The following COPS4 variants were observed in gnomAD, a reference collection of about 807,000 sequenced individuals.
COPS4 encodes COP9 signalosome complex subunit 4.
Under a neutral mutation model 55.1 loss-of-function variants are expected in COPS4, and 8 were observed. The ratio of observed to expected loss-of-function variants is 0.15; its 90% CI spans 0.09 to 0.26. The LOEUF is 0.26. Ranked by LOEUF, COPS4 falls within the 10% of genes least tolerant of loss-of-function variation. The pLI is 1.00. For missense variants in COPS4, 248 were observed against 484.0 expected, an observed-to-expected ratio of 0.51 and a Z score of 4.58; for synonymous variants, 185 against 165.7, an observed-to-expected ratio of 1.12 and a Z score of -0.90.
chr4:83,069,277 C>T (rs1441045551), intron 9 of COPS4, among the ~76,000 whole-genome samples: 1 of 152,156 alleles, frequency 6.6e-6, no homozygotes, highest in African/African-American at 2.4e-5. Context: ...TTTCCACTTG[C>T]AAAATTTTTA....
chr4:83,066,631 G>A, intron 8 of COPS4, 78 bp downstream of exon 8: 2 of 692,822 alleles, frequency 2.9e-6, no homozygotes, highest in South Asian at 1.9e-5. Context: ...TAAAATAAAT[G>A]TTGGAAACAA....
At chr4:83,042,517 A>AT (rs34745098) in intron 1 of COPS4, among the ~76,000 whole-genome samples, 64,120 of 145,496 alleles carry the variant, frequency 0.44, 16,009 homozygotes, top group Admixed American at 0.58. Context: ...TAATTAATTA[A>AT]TTTTTTTTTT....
At chr4:83,044,777 A>G (rs1272384366) in intron 1 of COPS4, among the ~76,000 whole-genome samples, 2 of 152,222 alleles carry the variant, frequency 1.3e-5, no homozygotes, top group African/African-American at 4.8e-5. Context: ...TCCGTCTTCA[A>G]AAACAACAAC....
At chr4:83,041,143 A>G (rs1730558495) in intron 1 of COPS4, among the ~76,000 whole-genome samples, 2 of 150,704 alleles carry the variant, frequency 1.3e-5, no homozygotes, top group African/African-American at 2.4e-5. Flanking sequence ...GCTTACTGCA[A>G]TCTCCACCTC....
At chr4:83,063,980 G>A (rs1455090416) in intron 7 of COPS4, among the ~76,000 whole-genome samples, 6 of 152,244 alleles carry the variant, frequency 3.9e-5, no homozygotes, top group East Asian at 1.9e-4. Context: ...GATTACAGGC[G>A]TGAGCCACAG....
At chr4:83,035,729 G>T in intron 1 of COPS4, 1 of 164,382 alleles carries the variant, frequency 6.1e-6, no homozygotes, top group Non-Finnish European at 1.3e-5. Flanking sequence ...CCTTGATGCT[G>T]CGTTTTTCGG....
intron 6 of COPS4, among the ~76,000 whole-genome samples, chr4:83,059,917 G>A (rs1052219809): frequency 6.6e-6 from 1 of 151,982 alleles, no homozygotes; most frequent in Admixed American, 6.6e-5. Flanking sequence ...TAGCCAGGAT[G>A]GTCTCGATCT....
At chr4:83,044,182 C>T (rs778313032) in intron 1 of COPS4, among the ~76,000 whole-genome samples, 26 of 152,158 alleles carry the variant, frequency 1.7e-4, no homozygotes, top group East Asian at 1.9e-4. Flanking sequence ...CGGTGGCTCA[C>T]GCCTGTAATC....
At chr4:83,043,968 T>C (rs1480004372) in intron 1 of COPS4, among the ~76,000 whole-genome samples, 1 of 152,216 alleles carries the variant, frequency 6.6e-6, no homozygotes, top group Non-Finnish European at 1.5e-5. Context: ...GAGAATTTTG[T>C]ATGAGTTGAG....
chr4:83,067,524 C>CTTTT (rs34638314), intron 8 of COPS4, among the ~76,000 whole-genome samples: 1 of 129,798 alleles, frequency 7.7e-6, no homozygotes, highest in African/African-American at 3.0e-5. Flanking sequence ...ACGCCCAGCC[C>CTTTT]TTTTTTTTTT....
intron 2 of COPS4, among the ~76,000 whole-genome samples, chr4:83,048,826 T>A (rs1730786154): frequency 6.6e-6 from 1 of 152,040 alleles, no homozygotes; most frequent in Non-Finnish European, 1.5e-5. Context: ...TTTGTATTTT[T>A]AGTAGAGACA....
rs148592888 is a variant in COPS4, at chr4:83,043,950, A to C, written c.75-1676A>C. ...TGTGGTTTTGAGAAATCAGATAACC[A>C]AGGTTGTGAGAATTTTGTATGAGTT... On this transcript the variant is annotated intron_variant, in intron 1 of 9. Transcript: ENST00000264389. Among the ~76,000 whole-genome samples the C allele has an allele frequency of 5.0e-3, 764 of 152,320 alleles. 3 individuals carry two copies. Among genetic ancestry groups the C allele is most frequent in the Non-Finnish European group, 9.0e-3 (615 of 68,032 alleles).
intron 9 of COPS4, chr4:83,073,093 A>G (rs1436707423): frequency 2.2e-5 from 10 of 464,578 alleles, no homozygotes; most frequent in African/African-American, 7.8e-5. Flanking sequence ...GGCCTGTAGT[A>G]TATTTACAAT....
At position 83,049,144 on chromosome 4, in the gene COPS4, CTT is replaced by C. The variant is rs753092273; in HGVS notation, c.155-9_155-8del. 3.3e-3 allele frequency: 4,068 copies of C among 1,246,200 alleles called. 6 individuals are homozygous for C. The highest frequency in any genetic ancestry group is 0.014 in the African/African-American group (912 of 63,146). 77.2% of individuals were successfully genotyped at this position (1,246,200 alleles called of 1,614,324 possible). A position where few individuals can be genotyped will look rare whatever the true frequency, so the allele number is the denominator to read the frequency against. On this transcript the variant is annotated intron_variant, in intron 2 of 9. Transcript: ENST00000264389. ...AATTTATCAGCTCATGTTTTCTTAT[CTT>C]TTTTTTTTTTTTAAACAAGTGGTAA...
intron 9 of COPS4, among the ~76,000 whole-genome samples, chr4:83,070,920 A>C (rs796346923): frequency 6.6e-6 from 1 of 152,180 alleles, no homozygotes; most frequent in Non-Finnish European, 1.5e-5. Flanking sequence ...TTTCTCTTGC[A>C]TAAGTCTTCT....
chr4:83,059,081 C>CT (rs1477103937), intron 6 of COPS4, among the ~76,000 whole-genome samples: 1 of 150,622 alleles, frequency 6.6e-6, no homozygotes, highest in Non-Finnish European at 1.5e-5. Flanking sequence ...ATCTGTATTT[C>CT]TTTATTGAGT....
intron 4 of COPS4, among the ~76,000 whole-genome samples, chr4:83,053,439 T>C (rs1362794565): frequency 6.6e-6 from 1 of 152,116 alleles, no homozygotes; most frequent in Non-Finnish European, 1.5e-5. Context: ...GAGGCCTTTA[T>C]GGAGAAAGGC....
intron 7 of COPS4, among the ~76,000 whole-genome samples, chr4:83,063,666 C>T (rs1296440664): frequency 6.6e-6 from 1 of 151,494 alleles, no homozygotes; most frequent in African/African-American, 2.4e-5. Flanking sequence ...CTCGGCCTCC[C>T]AAAGTGCTAG....
chr4:83,041,061 G>GT (rs1305165708), intron 1 of COPS4, among the ~76,000 whole-genome samples: 5 of 142,148 alleles, frequency 3.5e-5, no homozygotes, highest in Non-Finnish European at 4.6e-5. Flanking sequence ...TTTTTTTTTT[G>GT]TTTTTTGTTT....
Sources: gnomAD v4.1 joint callset for allele counts (sites outside exome capture counted in the v4.1 genomes callset) on GRCh38, gnomAD v4.1.1 for gene constraint, MANE v1.5 for transcripts, NCBI Gene and HGNC (gene_info 2026-07-23, HGNC 2026-07-21) for gene names.